Variants in VPS13B observed in about 807,000 individuals in gnomAD.
VPS13B encodes the protein intermembrane lipid transfer protein VPS13B.
VPS13B carries 285 observed loss-of-function variants against 426.4 expected under a neutral mutation model. The observed-to-expected ratio is 0.67, with a 90% CI of 0.61 to 0.74. The LOEUF is 0.74. Among genes scored for constraint, VPS13B ranks in the 30% least tolerant of loss-of-function variants. VPS13B has a pLI of 0.00. For missense variants in VPS13B, 4,537 were observed against 4,782.6 expected (o/e 0.95, Z 1.51); for synonymous variants, 1,676 against 1,676.4 (o/e 1.00, Z 0.01).
intron 28 of VPS13B, 54 bp from the exon 29 acceptor site, chr8:99,511,050 T>TAAA (rs35767662): frequency 6.3e-7 from 1 of 1,597,294 alleles, no homozygotes; most frequent in African/African-American, 1.3e-5. Flanking sequence ...TTCCAATTTT[T>TAAA]AAAAAAAATC....
intron 29 of VPS13B, among the ~76,000 whole-genome samples, chr8:99,513,779 C>G (rs1346963533): frequency 6.6e-6 from 1 of 152,088 alleles, no homozygotes; most frequent in Non-Finnish European, 1.5e-5. Context: ...TAAAACTTGA[C>G]CAAGAATATG....
intron 17 of VPS13B, among the ~76,000 whole-genome samples, chr8:99,203,056 A>G (rs1340551003): frequency 2.6e-5 from 4 of 152,148 alleles, no homozygotes; most frequent in African/African-American, 9.6e-5. Context: ...CAAAAAAAAA[A>G]AAAAAAGGAA....
At chr8:99,204,773 A>G (rs1431997436) in intron 17 of VPS13B, among the ~76,000 whole-genome samples, 1 of 152,246 alleles carries the variant, frequency 6.6e-6, no homozygotes, top group Non-Finnish European at 1.5e-5. Context: ...ATCACTAGTC[A>G]TTAGACAAAT....
At chr8:99,350,397 G>A (rs1239930767) in intron 19 of VPS13B, among the ~76,000 whole-genome samples, 2 of 152,198 alleles carry the variant, frequency 1.3e-5, no homozygotes, top group East Asian at 1.9e-4. Context: ...TTGCAGTGTG[G>A]AGAACTGGTA....
chr8:99,139,729 G>T (rs1480194234), intron 12 of VPS13B, among the ~76,000 whole-genome samples: 1 of 151,856 alleles, frequency 6.6e-6, no homozygotes, highest in African/African-American at 2.4e-5. Flanking sequence ...GAGCCACTGC[G>T]CCCGGCCCTC....
At position 99,368,167 on chromosome 8, in the gene VPS13B, T is replaced by C. The variant is rs987721620; in HGVS notation, c.2825-16041T>C. ...GGTGCTTGGACCATTCTCTTGAAAA[T>C]GCTGAAGAAAGAGACATATGATAGC... On this transcript the variant is annotated intron_variant, in intron 19 of 61. Coordinates refer to ENST00000357162, the MANE Select transcript of VPS13B (RefSeq NM_152564.5). Among the ~76,000 whole-genome samples, 24 of 152,366 alleles carry C rather than the reference T, an allele frequency of 1.6e-4. 1 individual carries two copies. The highest frequency in any genetic ancestry group is 1.2e-3 in the Admixed American group (18 of 15,310).
chr8:99,425,532 C>A (rs1239607780), intron 21 of VPS13B, among the ~76,000 whole-genome samples: 1 of 152,138 alleles, frequency 6.6e-6, no homozygotes, highest in African/African-American at 2.4e-5. Context: ...ATACTAAAAA[C>A]TCTCAATAAA....
intron 19 of VPS13B, among the ~76,000 whole-genome samples, chr8:99,363,765 G>T (rs1289798756): frequency 6.6e-6 from 1 of 152,114 alleles, no homozygotes; most frequent in Non-Finnish European, 1.5e-5. Flanking sequence ...CTTTTTCAAA[G>T]ATTGTTTGCT....
At chr8:99,482,036 T>A (rs902870682) in intron 25 of VPS13B, among the ~76,000 whole-genome samples, 2 of 152,136 alleles carry the variant, frequency 1.3e-5, no homozygotes, top group Admixed American at 1.3e-4. Flanking sequence ...TTCTGTGAAA[T>A]GGTGAAAACT....
At chr8:99,315,730 G>A (rs531563018) in intron 19 of VPS13B, among the ~76,000 whole-genome samples, 43 of 151,664 alleles carry the variant, frequency 2.8e-4, no homozygotes, top group East Asian at 7.8e-4. Flanking sequence ...TCCGCCTCCC[G>A]GGTTCATGCC....
intron 31 of VPS13B, among the ~76,000 whole-genome samples, chr8:99,559,097 C>A (rs1372069567): frequency 6.6e-6 from 1 of 152,150 alleles, no homozygotes; most frequent in African/African-American, 2.4e-5. Context: ...TTAATGATTG[C>A]CATTCTAACT....
intron 17 of VPS13B, among the ~76,000 whole-genome samples, chr8:99,208,631 T>G (rs1366678637): frequency 6.6e-6 from 1 of 152,196 alleles, no homozygotes; most frequent in Non-Finnish European, 1.5e-5. Context: ...ATATTTTGCA[T>G]AAAGTGAATA....
rs561672019 is a variant in VPS13B at position 99,374,241 on chromosome 8, G to T, written c.2825-9967G>T. On this transcript the variant is annotated intron_variant, in intron 19 of 61. Coordinates refer to ENST00000357162, the MANE Select transcript of VPS13B (RefSeq NM_152564.5). ...TCTGATGATGATATATCTAGATCTGGTTTCTTTTTATTTATTCTTCTTGGG... is the reference window on the plus strand; with the variant it reads ...TCTGATGATGATATATCTAGATCTGTTTTCTTTTTATTTATTCTTCTTGGG... Among the ~76,000 whole-genome samples, 54 of 150,746 alleles carry T rather than the reference G, an allele frequency of 3.6e-4. No homozygotes were observed. In the Middle Eastern group the frequency reaches 0.014, roughly 38 times the overall value.
intron 19 of VPS13B, among the ~76,000 whole-genome samples, chr8:99,305,303 T>C (rs1217057752): frequency 6.6e-6 from 1 of 152,024 alleles, no homozygotes; most frequent in Non-Finnish European, 1.5e-5. Flanking sequence ...ATAAAAATAA[T>C]AACTAGTAAA....
chr8:99,282,533 A>C (rs939175471), intron 19 of VPS13B, among the ~76,000 whole-genome samples: 1 of 152,164 alleles, frequency 6.6e-6, no homozygotes, highest in Non-Finnish European at 1.5e-5. Flanking sequence ...GGAAAGCTTT[A>C]TACTTATTTC....
intron 25 of VPS13B, among the ~76,000 whole-genome samples, chr8:99,495,376 A>G (rs1690208256): frequency 6.6e-6 from 1 of 152,212 alleles, no homozygotes; most frequent in Non-Finnish European, 1.5e-5. Context: ...CATTTTAAAC[A>G]TAATTATTTT....
intron 33 of VPS13B, among the ~76,000 whole-genome samples, chr8:99,623,596 G>C (rs1179807334): frequency 1.3e-5 from 2 of 152,100 alleles, no homozygotes; most frequent in Non-Finnish European, 2.9e-5. Context: ...TCACCGCAAA[G>C]AAGTTACAGT....
intron 8 of VPS13B, among the ~76,000 whole-genome samples, chr8:99,125,339 C>T (rs1848143148): frequency 6.6e-6 from 1 of 151,786 alleles, no homozygotes. Context: ...GGCCGGAAGA[C>T]TCAGCAAGTC....
chr8:99,587,208 A>G (rs1237395501), intron 33 of VPS13B, among the ~76,000 whole-genome samples: 4 of 152,176 alleles, frequency 2.6e-5, no homozygotes, highest in Non-Finnish European at 4.4e-5. Flanking sequence ...ACATTTTCTT[A>G]ATCCGATCTA....
Sources: gnomAD v4.1 joint callset for allele counts (sites outside exome capture counted in the v4.1 genomes callset) on GRCh38, gnomAD v4.1.1 for gene constraint, MANE v1.5 for transcripts, NCBI Gene and HGNC (gene_info 2026-07-23, HGNC 2026-07-21) for gene names.